Variants in GRIP2 observed in about 807,000 individuals in gnomAD.
The protein encoded by GRIP2 is glutamate receptor-interacting protein 2.
A neutral mutation model predicts 108.3 loss-of-function variants in GRIP2; 58 were observed. The ratio of observed to expected loss-of-function variants is 0.54; its 90% CI spans 0.43 to 0.67. GRIP2 has a LOEUF of 0.67. GRIP2 is among the 30% of genes least tolerant of loss of function. GRIP2 has a pLI of 0.00. For synonymous variants in GRIP2, 586 were observed against 598.2 expected, an observed-to-expected ratio of 0.98 and a Z score of 0.30; for missense variants, 1,278 against 1,430.6, an observed-to-expected ratio of 0.89 and a Z score of 1.72.
At chr3:14,527,044 G>C in intron 1 of GRIP2, among the ~76,000 whole-genome samples, 1 of 152,092 alleles carries the variant, frequency 6.6e-6, no homozygotes, top group East Asian at 1.9e-4. Context: ...AAAATTGGCC[G>C]GGCATGGTGG....
chr3:14,585,321 A>G, the GRIP2 span, among the ~76,000 whole-genome samples: 1 of 152,266 alleles, frequency 6.6e-6, no homozygotes, highest in African/African-American at 2.4e-5. Flanking sequence ...ACGCCTGGCC[A>G]TATTATGGAG....
In GRIP2 at chr3:14,511,609, C is replaced by T; in HGVS notation, c.1721-130G>A. On this transcript the variant is annotated intron_variant, in intron 14 of 23. Transcript: ENST00000621039. The surrounding 1 kb of genome is among the most constrained non-coding windows in gnomAD (Gnocchi z 4.1). ...ACATCCTGGTCCCACTGCTTCCTGG[C>T]TGGGTGACCGTGAGCAAATCAGCTC... The T allele has an allele frequency of 2.3e-6, 2 of 858,446 alleles. No individual in the cohort carries two copies. The highest frequency in any genetic ancestry group is 3.7e-6 in the Non-Finnish European group (2 of 540,504). The allele number at this position is 858,446 out of a possible 1,614,324, so 53.2% of individuals were successfully genotyped here. A position where few individuals can be genotyped will look rare whatever the true frequency, so the allele number is the denominator to read the frequency against.
intron 22 of GRIP2, among the ~76,000 whole-genome samples, chr3:14,496,082 C>T (rs1473570787): frequency 2.0e-5 from 3 of 151,960 alleles, no homozygotes; most frequent in Admixed American, 2.0e-4. Context: ...GAGGTCAGGG[C>T]CGCAGTGAGC....
At chr3:14,582,554 G>A in the GRIP2 span, among the ~76,000 whole-genome samples, 4,791 of 152,214 alleles carry the variant, frequency 0.031, 235 homozygotes, top group African/African-American at 0.11. Flanking sequence ...GAGGAAGGGA[G>A]GGCCAACAGA....
the GRIP2 span, among the ~76,000 whole-genome samples, chr3:14,588,685 A>T: frequency 1.3e-5 from 2 of 152,168 alleles, no homozygotes; most frequent in Non-Finnish European, 2.9e-5. Context: ...CAGTAAATTT[A>T]AGGCTCCAGG....
chr3:14,534,896 G>C (rs937481413), intron 1 of GRIP2, among the ~76,000 whole-genome samples: 1 of 152,142 alleles, frequency 6.6e-6, no homozygotes, highest in Non-Finnish European at 1.5e-5. Context: ...GGCTGCCTTC[G>C]CCAGGGTCCT....
At chr3:14,536,750 A>T (rs1216025142) in intron 1 of GRIP2, among the ~76,000 whole-genome samples, 4 of 152,186 alleles carry the variant, frequency 2.6e-5, no homozygotes, top group African/African-American at 9.7e-5. Context: ...AATGTCAAGG[A>T]ACGTGACCTC....
chr3:14,580,834 A>T, the GRIP2 span, among the ~76,000 whole-genome samples: 1 of 152,166 alleles, frequency 6.6e-6, no homozygotes, highest in African/African-American at 2.4e-5. Context: ...AAATCAACAG[A>T]CTTTTGAGTA....
chr3:14,562,670 T>G, the GRIP2 span, among the ~76,000 whole-genome samples: 1 of 152,194 alleles, frequency 6.6e-6, no homozygotes, highest in Non-Finnish European at 1.5e-5. Flanking sequence ...TTTGCAATCC[T>G]AGTGAAATAA....
the GRIP2 span, among the ~76,000 whole-genome samples, chr3:14,577,408 A>G: frequency 6.6e-6 from 1 of 152,224 alleles, no homozygotes; most frequent in Non-Finnish European, 1.5e-5. Flanking sequence ...AGACACAGAG[A>G]CAAAGCAGAG....
rs761691062 is a variant in GRIP2, at chr3:14,517,849, G to A, written c.1079C>T (p.Pro360Leu). The A allele has an allele frequency of 1.2e-6, 2 of 1,600,740 alleles. No individual in the cohort carries two copies. Among genetic ancestry groups the A allele is most frequent in the Admixed American group, 3.4e-5 (2 of 58,002 alleles). ...GCCGGGCCGGGGGCTGTGGCAGGAG[G>A]GCACGCAGGGGTCCCAGCGGTGCAG... is the stretch of plus-strand genomic sequence containing the variant. ...EQLHRWDPCV[P>L]SCHSPRPGHC... Residue 360 changes from proline to leucine, a missense_variant, in exon 10 of 24, where the codon CCC (proline) becomes CTC (leucine). By Grantham distance (98) the Pro-to-Leu change is moderately conservative. Coordinates refer to ENST00000621039, the MANE Select transcript of GRIP2 (RefSeq NM_001080423.4).
At chr3:14,574,893 T>C in the GRIP2 span, 14 of 286,318 alleles carry the variant, frequency 4.9e-5, no homozygotes, top group South Asian at 4.4e-4. Flanking sequence ...GGCTGGACAG[T>C]GAAGCATATA....
At chr3:14,599,663 G>A in the GRIP2 span, among the ~76,000 whole-genome samples, 1 of 142,590 alleles carries the variant, frequency 7.0e-6, no homozygotes, top group African/African-American at 2.7e-5. Flanking sequence ...TGAAGCACAA[G>A]TCTCTCTCTC....
intron 17 of GRIP2, 117 bp downstream of exon 17, chr3:14,509,703 C>T: frequency 9.3e-7 from 1 of 1,079,552 alleles, no homozygotes; most frequent in Non-Finnish European, 1.2e-6. Flanking sequence ...CCCAATGTCA[C>T]CCACAGTGTC....
chr3:14,495,068 T>C (rs1693549090), intron 22 of GRIP2, 79 bp from the exon 23 acceptor site: 1 of 1,552,260 alleles, frequency 6.4e-7, no homozygotes, highest in African/African-American at 1.4e-5. Flanking sequence ...GGTCCTTTGG[T>C]CTGGCATTCA....
In GRIP2 at chr3:14,512,615, G is replaced by C. The variant is rs537436340; in HGVS notation, c.1720+162C>G. 6.6e-6 allele frequency among the ~76,000 whole-genome samples: 1 copy of C among 152,192 alleles called. No individual in the cohort carries two copies. Among genetic ancestry groups the C allele is most frequent in the Non-Finnish European group, 1.5e-5 (1 of 68,036 alleles). Reference sequence around the variant, plus strand: ...GAAGCTGGGGTCTCGCTGAGAACACGCAGCTGGGTCCACGGAAGCCAGCCT... The same window carrying C: ...GAAGCTGGGGTCTCGCTGAGAACACCCAGCTGGGTCCACGGAAGCCAGCCT... On this transcript the variant is annotated intron_variant, in intron 14 of 23. Coordinates refer to ENST00000621039, the MANE Select transcript of GRIP2 (RefSeq NM_001080423.4). The surrounding 1 kb of genome is among the most constrained non-coding windows in gnomAD (Gnocchi z 5.1).
At chr3:14,587,907 G>A in the GRIP2 span, among the ~76,000 whole-genome samples, 10 of 152,120 alleles carry the variant, frequency 6.6e-5, no homozygotes, top group South Asian at 2.1e-4. Flanking sequence ...CTTGCACTCC[G>A]TCTATAAAAA....
the GRIP2 span, among the ~76,000 whole-genome samples, chr3:14,584,390 T>A: frequency 3.3e-5 from 5 of 152,104 alleles, no homozygotes; most frequent in Non-Finnish European, 5.9e-5. Context: ...CCGTGGAGGC[T>A]CCTGACTCTG....
At chr3:14,571,445 C>T in the GRIP2 span, among the ~76,000 whole-genome samples, 1 of 152,158 alleles carries the variant, frequency 6.6e-6, no homozygotes, top group Admixed American at 6.5e-5. Context: ...GATGAAGCTG[C>T]CCTCCAATGC....
Sources: gnomAD v4.1 joint callset for allele counts (sites outside exome capture counted in the v4.1 genomes callset) on GRCh38, gnomAD v4.1.1 for gene constraint, Gnocchi (gnomAD v3.1) non-coding constraint, MANE v1.5 for transcripts, NCBI Gene and HGNC (gene_info 2026-07-23, HGNC 2026-07-21) for gene names.